The following CAPZB variants were observed in gnomAD, a reference collection of about 807,000 sequenced individuals.
The protein encoded by CAPZB is F-actin-capping protein subunit beta.
A neutral mutation model predicts 38.1 loss-of-function variants in CAPZB; 2 were observed. The ratio of observed to expected loss-of-function variants is 0.05; its 90% CI spans 0.02 to 0.17. CAPZB has a LOEUF of 0.17. Among genes scored for constraint, CAPZB ranks in the 10% least tolerant of loss-of-function variants. CAPZB has a pLI of 1.00. For synonymous variants in CAPZB, 107 were observed against 127.4 expected, an observed-to-expected ratio of 0.84 and a Z score of 1.08; for missense variants, 161 against 334.2, an observed-to-expected ratio of 0.48 and a Z score of 4.04.
intron 3 of CAPZB, among the ~76,000 whole-genome samples, chr1:19,381,268 C>G (rs75195402): frequency 0.017 from 2,573 of 151,460 alleles, 35 homozygotes; most frequent in Non-Finnish European, 0.029. Context: ...CCCGCCCCCC[C>G]ACCACAACAG....
At chr1:19,350,366 T>C (rs915428443) in intron 6 of CAPZB, among the ~76,000 whole-genome samples, 2 of 152,240 alleles carry the variant, frequency 1.3e-5, no homozygotes, top group African/African-American at 2.4e-5. Flanking sequence ...CTTGCCAGAA[T>C]GGCAGCTCTC....
At chr1:19,484,722 C>G (rs2094644687) in intron 1 of CAPZB, 1 of 1,055,946 alleles carries the variant, frequency 9.5e-7, no homozygotes. Flanking sequence ...AGGCTCAGGG[C>G]GGGGACCGAG....
At chr1:19,400,361 G>A (rs1418503316) in intron 2 of CAPZB, among the ~76,000 whole-genome samples, 2 of 152,122 alleles carry the variant, frequency 1.3e-5, no homozygotes, top group Middle Eastern at 3.2e-3. Flanking sequence ...TGGGCTTCCC[G>A]GCCCACATTC....
chr1:19,475,199 C>G (rs1182909666), intron 1 of CAPZB, among the ~76,000 whole-genome samples: 3 of 152,164 alleles, frequency 2.0e-5, no homozygotes, highest in African/African-American at 7.2e-5. Context: ...CTCATAAAAT[C>G]CATCAGAAAT....
chr1:19,399,262 G>A (rs2094290193), intron 2 of CAPZB, among the ~76,000 whole-genome samples: 1 of 152,184 alleles, frequency 6.6e-6, no homozygotes, highest in South Asian at 2.1e-4. Flanking sequence ...TTGTTAAGAA[G>A]GTGAATCAAG....
chr1:19,367,774 G>A (rs1237669613), intron 4 of CAPZB, among the ~76,000 whole-genome samples: 4 of 152,182 alleles, frequency 2.6e-5, no homozygotes, highest in Non-Finnish European at 4.4e-5. Flanking sequence ...TGGCTGCCGC[G>A]CTTTAGTGTC....
intron 1 of CAPZB, among the ~76,000 whole-genome samples, chr1:19,476,125 A>G (rs2094605514): frequency 6.6e-6 from 1 of 152,094 alleles, no homozygotes; most frequent in Non-Finnish European, 1.5e-5. Flanking sequence ...CAAGTTCGAG[A>G]CCAGCCTGGG....
rs369149855 is a variant in CAPZB, at chr1:19,383,907, C to T, written c.215+1598G>A. Among the ~76,000 whole-genome samples the T allele has an allele frequency of 4.6e-5, 7 of 152,264 alleles. No individual in the cohort carries two copies. The East Asian group carries it at 1.3e-3, about 29-fold the overall frequency. ...TTCCATCCCCACCTACCTGCAGAGG[C>T]CGCTGGCTCTACTTTTAAAAGTGAC... On this transcript the variant is annotated intron_variant, in intron 3 of 8. Coordinates refer to ENST00000264202, the MANE Select transcript of CAPZB (RefSeq NM_004930.5).
chr1:19,472,662 G>T (rs926760467), intron 1 of CAPZB, among the ~76,000 whole-genome samples: 3 of 151,150 alleles, frequency 2.0e-5, no homozygotes, highest in Non-Finnish European at 1.5e-5. Context: ...TAGAGAATGA[G>T]GTTCCATTTT....
At chr1:19,363,251 A>T (rs1013084938) in intron 4 of CAPZB, among the ~76,000 whole-genome samples, 5 of 120,956 alleles carry the variant, frequency 4.1e-5, no homozygotes, top group African/African-American at 1.3e-4. Flanking sequence ...ATGGCTAATT[A>T]AAAAAAAAAT....
chr1:19,420,807 C>T (rs892272476), intron 1 of CAPZB, among the ~76,000 whole-genome samples: 2 of 152,072 alleles, frequency 1.3e-5, no homozygotes, highest in Non-Finnish European at 2.9e-5. Context: ...AATATTTACT[C>T]AGAGCCACCA....
chr1:19,354,648 T>G (rs1273590404), intron 6 of CAPZB, among the ~76,000 whole-genome samples: 1 of 152,248 alleles, frequency 6.6e-6, no homozygotes, highest in African/African-American at 2.4e-5. Flanking sequence ...CAGGAGACAC[T>G]GCTCACGGCA....
chr1:19,367,075 T>A (rs1301272702), intron 4 of CAPZB, among the ~76,000 whole-genome samples: 2 of 152,186 alleles, frequency 1.3e-5, no homozygotes, highest in African/African-American at 4.8e-5. Flanking sequence ...CTAGCCAACT[T>A]CAAAAAGAAG....
In CAPZB at chr1:19,371,801, C is replaced by T. The variant is rs541356424; in HGVS notation, c.329+6739G>A. Among the ~76,000 whole-genome samples the T allele has an allele frequency of 3.0e-4, 45 of 152,366 alleles. No individual in the cohort carries two copies. In the South Asian group the frequency reaches 8.9e-3, roughly 30 times the overall value. ...GCCCTGAGGGGTCTGGGGCTGGGAA[C>T]CTGCAGTTTCAAGGACCCCGGAAAT... On this transcript the variant is annotated intron_variant, in intron 4 of 8. Coordinates refer to ENST00000264202, the MANE Select transcript of CAPZB (RefSeq NM_004930.5).
chr1:19,352,422 G>A (rs956738521), intron 6 of CAPZB, among the ~76,000 whole-genome samples: 1 of 152,178 alleles, frequency 6.6e-6, no homozygotes, highest in African/African-American at 2.4e-5. Flanking sequence ...GCCCTTCCCC[G>A]GATGGGAAAC....
intron 6 of CAPZB, among the ~76,000 whole-genome samples, chr1:19,348,516 G>A (rs1342495733): frequency 6.6e-6 from 1 of 152,082 alleles, no homozygotes; most frequent in Admixed American, 6.6e-5. Flanking sequence ...GGAGGGATGT[G>A]TGTGTGCTAG....
intron 1 of CAPZB, among the ~76,000 whole-genome samples, chr1:19,470,264 C>T (rs2094582636): frequency 6.6e-6 from 1 of 152,120 alleles, no homozygotes; most frequent in South Asian, 2.1e-4. Context: ...GATGTGCCAC[C>T]ATTTTTACCT....
At chr1:19,464,289 ATTTTTTT>A (rs891453430) in intron 1 of CAPZB, among the ~76,000 whole-genome samples, 2 of 132,556 alleles carry the variant, frequency 1.5e-5, no homozygotes, top group African/African-American at 5.8e-5. Flanking sequence ...ATCTCTGAAG[ATTTTTTT>A]TTTTTTTTTT....
chr1:19,426,412 G>A (rs1438570795), intron 1 of CAPZB, among the ~76,000 whole-genome samples: 2 of 151,550 alleles, frequency 1.3e-5, no homozygotes, highest in Non-Finnish European at 2.9e-5. Context: ...CTTGCAGCGT[G>A]ACTGTGACAC....
Sources: gnomAD v4.1 joint callset for allele counts (sites outside exome capture counted in the v4.1 genomes callset) on GRCh38, gnomAD v4.1.1 for gene constraint, MANE v1.5 for transcripts, NCBI Gene and HGNC (gene_info 2026-07-23, HGNC 2026-07-21) for gene names.